Variants in CACNA2D4 observed in about 807,000 individuals in gnomAD.
CACNA2D4 encodes the protein calcium voltage-gated channel auxiliary subunit alpha2delta 4.
A neutral mutation model predicts 163.8 loss-of-function variants in CACNA2D4; 157 were observed. The observed-to-expected ratio is 0.96, with a 90% CI of 0.84 to 1.09. The LOEUF is 1.09. CACNA2D4 is among the 50% of genes least tolerant of loss of function. CACNA2D4 has a pLI of 0.00. For missense variants in CACNA2D4, 1,410 were observed against 1,479.9 expected, an observed-to-expected ratio of 0.95 and a Z score of 0.78; for synonymous variants, 598 against 586.9, an observed-to-expected ratio of 1.02 and a Z score of -0.27.
intron 35 of CACNA2D4, among the ~76,000 whole-genome samples, chr12:1,796,185 G>A (rs746605878): frequency 1.1e-4 from 16 of 152,330 alleles, no homozygotes; most frequent in Non-Finnish European, 2.2e-4. Context: ...CTGGAGCTTG[G>A]CCACCAGGTG....
chr12:1,831,538 G>A (rs73593748), intron 26 of CACNA2D4: 373 of 1,600,796 alleles, frequency 2.3e-4, no homozygotes, highest in African/African-American at 1.4e-3. Flanking sequence ...GAGCGCAGCC[G>A]GCCCTGCTGG....
rs188644475 is a variant in CACNA2D4, at chr12:1,914,870, G to C, written c.293C>G (p.Ser98Cys). The C allele has an allele frequency of 1.2e-6, 2 of 1,613,520 alleles. No homozygotes were observed. The change falls in exon 2 of 38, where the codon TCT (serine) becomes TGT (cysteine). Residue 98 changes from serine (S) to cysteine (C), a missense_variant. Physicochemically the swap from Ser to Cys is moderately radical, Grantham distance 112. Transcript: ENST00000382722. ...LYNTVTKYSG[S>C]LLLQKKYKDV... ...GTGACTGACCTTCTGCAGCAAGAGAGAGCCTGAGTATTTGGTCACAGTGTT... is the reference window on the plus strand; with the variant it reads ...GTGACTGACCTTCTGCAGCAAGAGACAGCCTGAGTATTTGGTCACAGTGTT...
Position 1,828,576 on chromosome 12 carries a change from T to C in CACNA2D4, c.2551+12163A>G, listed in dbSNP as rs1864467865. ...AAACAGCCTCACTGGTGCCTGAGCT[T>C]GTCGGCCTGTGTCACAGACTGCGGC... On this transcript the variant is annotated intron_variant, in intron 26 of 37. Transcript: ENST00000382722. This position sits in a 1 kb window ranked among gnomAD's most constrained non-coding sequence, Gnocchi z 4.2. Among the ~76,000 whole-genome samples the C allele has an allele frequency of 6.6e-6, 1 of 152,236 alleles. No homozygotes were observed.
At position 1,800,752 on chromosome 12, in the gene CACNA2D4, GCAGTGT is replaced by G. The variant is rs1171069903; in HGVS notation, c.2868+285_2868+290del. 6.8e-6 allele frequency: 4 copies of G among 591,486 alleles called. No homozygotes were observed. The African/African-American group carries it at 7.4e-5, about 11-fold the overall frequency. The allele number at this position is 591,486 out of a possible 1,614,324, so 36.6% of individuals were successfully genotyped here. A position where few individuals can be genotyped will look rare whatever the true frequency, so the allele number is the denominator to read the frequency against. On this transcript the variant is annotated intron_variant, in intron 31 of 37. Transcript: ENST00000382722. Reference sequence around the variant, plus strand: ...GCTGAGGATCCCTGGTGATCAAGCGGCAGTGTCAGGGGCTGAGGCTGGGGCAGGCTG... The same window carrying G: ...GCTGAGGATCCCTGGTGATCAAGCGGCAGGGGCTGAGGCTGGGGCAGGCTG...
At position 1,800,024 on chromosome 12, in the gene CACNA2D4, A is replaced by G; in HGVS notation, c.2950T>C (p.Ser984Pro). ...CCCTCGGCCCCTCTGTCGTACCAGG[A>G]GCCCCAGACACTCCACTCCAGCAGG... ...LFLLEWSVWG[S>P]WYDRGAEAKS... is the part of the protein sequence containing the mutation. The change falls in exon 33 of 38, where the codon TCC becomes CCC. Residue 984 changes from serine (S) to proline (P), a missense_variant. Coordinates refer to ENST00000382722, the MANE Select transcript of CACNA2D4 (RefSeq NM_172364.5). The G allele has an allele frequency of 1.9e-6, 3 of 1,605,020 alleles. No homozygotes were observed. The highest frequency in any genetic ancestry group is 2.6e-6 in the Non-Finnish European group (3 of 1,176,014).
intron 23 of CACNA2D4, among the ~76,000 whole-genome samples, chr12:1,847,022 G>C (rs1287955782): frequency 2.0e-5 from 3 of 152,206 alleles, no homozygotes. Context: ...GGGAGATTCT[G>C]TCCTGGGACC....
At chr12:1,858,477 G>T in intron 20 of CACNA2D4, 100 bp downstream of exon 20, 1 of 998,598 alleles carries the variant, frequency 1.0e-6, no homozygotes, top group Non-Finnish European at 1.6e-6. Flanking sequence ...GAGCTGGGAG[G>T]CTGTCACACT....
rs1482363852 is a variant in CACNA2D4, at chr12:1,840,769, T to C, written c.2521A>G (p.Thr841Ala). The C allele has an allele frequency of 1.2e-6, 2 of 1,613,922 alleles. No homozygotes were observed. Among genetic ancestry groups the C allele is most frequent in the Non-Finnish European group, 1.7e-6 (2 of 1,179,890 alleles). Reference protein sequence around the residue: ...VVTASTAVAVTVDKRTAIAAA... With the variant: ...VVTASTAVAVAVDKRTAIAAA... ...GCAATGGCTGTCCTCTTGTCCACGG[T>C]CACCGCCACAGCTGTGCTTGCCGTC... The change falls in exon 26 of 38, where the codon ACC becomes GCC. Residue 841 changes from threonine (T) to alanine (A), a missense_variant. Physicochemically the swap from Thr to Ala is moderately conservative, Grantham distance 58. Transcript: ENST00000382722.
intron 6 of CACNA2D4, among the ~76,000 whole-genome samples, 184 bp from the exon 7 acceptor site, chr12:1,887,253 C>T (rs1866170953): frequency 6.6e-6 from 1 of 152,170 alleles, no homozygotes. Context: ...AGACATCTAC[C>T]AGCCAAACTG....
In CACNA2D4 at chr12:1,810,663, G is replaced by A. The variant is rs561445078; in HGVS notation, c.2614-76C>T. On this transcript the variant is annotated intron_variant, in intron 27 of 37. Coordinates refer to ENST00000382722, the MANE Select transcript of CACNA2D4 (RefSeq NM_172364.5). Reference sequence around the variant, plus strand: ...TGGCACGTGTAAGTGGGAATGCTGTGTGTGTGGTACGTCTGCAGTGTGTGT... The same window carrying A: ...TGGCACGTGTAAGTGGGAATGCTGTATGTGTGGTACGTCTGCAGTGTGTGT... 1.9e-5 allele frequency: 27 copies of A among 1,417,696 alleles called. No homozygotes were observed. The South Asian group carries it at 3.2e-4, about 17-fold the overall frequency. 87.8% of individuals were successfully genotyped at this position (1,417,696 alleles called of 1,614,324 possible).
chr12:1,805,902 G>A (rs1191049554), intron 29 of CACNA2D4, among the ~76,000 whole-genome samples: 2 of 152,240 alleles, frequency 1.3e-5, no homozygotes, highest in Non-Finnish European at 2.9e-5. Flanking sequence ...GGCCGCAGGC[G>A]GCAGGGAAGG....
chr12:1,871,077 G>A (rs1303078738), intron 18 of CACNA2D4, among the ~76,000 whole-genome samples: 3 of 151,704 alleles, frequency 2.0e-5, no homozygotes, highest in Non-Finnish European at 2.9e-5. Flanking sequence ...GTGTACGCAC[G>A]TGTTGCTGGT....
At position 1,861,504 on chromosome 12, in the gene CACNA2D4, G is replaced by A. The variant is rs376820616; in HGVS notation, c.1879-1298C>T. 2.3e-3 allele frequency among the ~76,000 whole-genome samples: 354 copies of A among 151,340 alleles called. 2 individuals carry two copies. Among genetic ancestry groups the A allele is most frequent in the South Asian group, 5.2e-3 (25 of 4,798 alleles). On this transcript the variant is annotated intron_variant, in intron 18 of 37. Coordinates refer to ENST00000382722, the MANE Select transcript of CACNA2D4 (RefSeq NM_172364.5). ...GTCACCTAGGCTGGAGTGCAATGGC[G>A]TGATCTTGACTCATTGCAACCTCCG...
chr12:1,899,917 T>C (rs896988196), intron 6 of CACNA2D4, among the ~76,000 whole-genome samples: 1 of 152,092 alleles, frequency 6.6e-6, no homozygotes, highest in Admixed American at 6.5e-5. Context: ...AAAAGGATAA[T>C]TTACTATAAT....
intron 23 of CACNA2D4, among the ~76,000 whole-genome samples, chr12:1,847,720 A>G (rs1431822894): frequency 1.3e-5 from 2 of 152,260 alleles, no homozygotes; most frequent in South Asian, 2.1e-4. Context: ...CTCACTACCC[A>G]TAATTTGGCT....
chr12:1,909,821 A>ACCCTATGCCGCCACCCCG lies in CACNA2D4; in HGVS notation c.486+84_486+85insCGGGGTGGCGGCATAGGG. 9.7e-6 allele frequency: 11 copies of ACCCTATGCCGCCACCCCG among 1,139,458 alleles called. No individual in the cohort carries two copies. In the South Asian group the frequency reaches 1.2e-4, roughly 12 times the overall value. 70.6% of individuals were successfully genotyped at this position (1,139,458 alleles called of 1,614,324 possible). A position where few individuals can be genotyped will look rare whatever the true frequency, so the allele number is the denominator to read the frequency against. On this transcript the variant is annotated intron_variant, in intron 4 of 37. Coordinates refer to ENST00000382722, the MANE Select transcript of CACNA2D4 (RefSeq NM_172364.5). ...TATGGAATCAGTGGATCGCCACCCT[A>ACCCTATGCCGCCACCCCG]CGCCGCCACCCTATGCCGCCACCCC...
chr12:1,831,218 T>C lies in CACNA2D4; in HGVS notation c.2551+9521A>G, dbSNP rs1450350958. ...GCTCCATTTTCGGGGACCTGACGAA[T>C]CTGACTGAGCTTCAGCTGCGCAATA... On this transcript the variant is annotated intron_variant, in intron 26 of 37. Transcript: ENST00000382722. The C allele has an allele frequency of 1.9e-6, 3 of 1,613,774 alleles. No individual in the cohort carries two copies. The African/African-American group carries it at 4.0e-5, about 22-fold the overall frequency.
intron 29 of CACNA2D4, among the ~76,000 whole-genome samples, chr12:1,805,361 G>C (rs12297170): frequency 0.012 from 1,872 of 152,326 alleles, 41 homozygotes; most frequent in African/African-American, 0.043. Flanking sequence ...TGTGCCCAGA[G>C]AGAAGGGGTG....
chr12:1,836,315 G>C lies in CACNA2D4; in HGVS notation c.2551+4424C>G, dbSNP rs913547500. 4.6e-5 allele frequency: 7 copies of C among 152,530 alleles called. No individual in the cohort carries two copies. In the East Asian group the frequency reaches 1.2e-3, roughly 25 times the overall value. 9.4% of individuals were successfully genotyped at this position (152,530 alleles called of 1,614,324 possible). A position where few individuals can be genotyped will look rare whatever the true frequency, so the allele number is the denominator to read the frequency against. On this transcript the variant is annotated intron_variant, in intron 26 of 37. Transcript: ENST00000382722. ...TCAGGAGGCATCAGGCTCGTCCCTG[G>C]CTCTGGGATGGAATCTCGATGGGGG...
Sources: gnomAD v4.1 joint callset for allele counts (sites outside exome capture counted in the v4.1 genomes callset) on GRCh38, gnomAD v4.1.1 for gene constraint, Gnocchi (gnomAD v3.1) non-coding constraint, MANE v1.5 for transcripts, NCBI Gene and HGNC (gene_info 2026-07-23, HGNC 2026-07-21) for gene names.